Variants in ARFIP1 observed in about 807,000 individuals in gnomAD.
ARFIP1 encodes the protein ARF interacting protein 1.
In ARFIP1, 24 loss-of-function variants were observed where a neutral mutation model predicts 42.5. That is an observed-to-expected ratio of 0.57 (90% CI 0.41 to 0.80). The LOEUF is 0.80. Ranked by LOEUF, ARFIP1 falls within the 30% of genes least tolerant of loss-of-function variation. ARFIP1 has a pLI of 0.00. For synonymous variants in ARFIP1, 141 were observed against 153.7 expected (o/e 0.92, Z 0.61); for missense variants, 354 against 434.0 (o/e 0.82, Z 1.64).
chr4:152,880,409 C>T (rs1649177875), intron 5 of ARFIP1, among the ~76,000 whole-genome samples: 1 of 151,588 alleles, frequency 6.6e-6, no homozygotes, highest in Admixed American at 6.6e-5. Context: ...AATACAATAA[C>T]ATAACATCAT....
intron 2 of ARFIP1, among the ~76,000 whole-genome samples, chr4:152,845,137 T>C (rs1020509290): frequency 4.6e-5 from 7 of 152,154 alleles, no homozygotes; most frequent in Admixed American, 4.6e-4. Flanking sequence ...TAAATGGTGA[T>C]GGAATAAATG....
chr4:152,800,153 C>G (rs953431551), intron 1 of ARFIP1, among the ~76,000 whole-genome samples: 4 of 152,090 alleles, frequency 2.6e-5, no homozygotes, highest in Admixed American at 6.5e-5. Flanking sequence ...TTACAGTTAA[C>G]AAAAGTACAG....
At chr4:152,789,558 T>C (rs1286946095) in intron 1 of ARFIP1, among the ~76,000 whole-genome samples, 2 of 152,192 alleles carry the variant, frequency 1.3e-5, no homozygotes, top group African/African-American at 4.8e-5. Context: ...CAATTGGGAA[T>C]TGGGGAATTA....
At chr4:152,814,427 A>G (rs1729715431) in intron 1 of ARFIP1, among the ~76,000 whole-genome samples, 1 of 152,062 alleles carries the variant, frequency 6.6e-6, no homozygotes. Context: ...AAAATGTTTC[A>G]GCTCAGGTGC....
At chr4:152,799,479 T>C (rs1207445682) in intron 1 of ARFIP1, among the ~76,000 whole-genome samples, 1 of 152,178 alleles carries the variant, frequency 6.6e-6, no homozygotes, top group African/African-American at 2.4e-5. Context: ...TGTGATTCAG[T>C]GTGATAAGTT....
At chr4:152,890,374 A>G (rs1210523378) in intron 8 of ARFIP1, among the ~76,000 whole-genome samples, 1 of 152,186 alleles carries the variant, frequency 6.6e-6, no homozygotes, top group African/African-American at 2.4e-5. Flanking sequence ...AATGTCAATC[A>G]GATGAATGTT....
chr4:152,796,249 A>C (rs1210586968), intron 1 of ARFIP1: 13 of 1,024,566 alleles, frequency 1.3e-5, no homozygotes, highest in Non-Finnish European at 1.9e-5. Context: ...TCTTCTTTAC[A>C]CCAAGTATTG....
chr4:152,826,136 A>G (rs1459544244), intron 1 of ARFIP1, among the ~76,000 whole-genome samples: 1 of 152,226 alleles, frequency 6.6e-6, no homozygotes, highest in African/African-American at 2.4e-5. Flanking sequence ...GTATCTACCC[A>G]AAGGAAAAAA....
intron 1 of ARFIP1, among the ~76,000 whole-genome samples, chr4:152,790,728 C>CTTTTTTTTTTT (rs781615063): frequency 9.4e-6 from 1 of 106,082 alleles, no homozygotes; most frequent in African/African-American, 3.8e-5. Flanking sequence ...ATGTGTTTAT[C>CTTTTTTTTTTT]TTTTTTTTTT....
At chr4:152,807,231 A>G (rs947725599) in intron 1 of ARFIP1, 3 of 149,924 alleles carry the variant, frequency 2.0e-5, no homozygotes, top group Admixed American at 1.3e-4. Flanking sequence ...GAAAGCTGCT[A>G]GGAGTACATG....
intron 1 of ARFIP1, among the ~76,000 whole-genome samples, chr4:152,782,155 A>G (rs574098889): frequency 6.6e-6 from 1 of 151,998 alleles, no homozygotes; most frequent in Non-Finnish European, 1.5e-5. Context: ...AAGGAGATAT[A>G]TAGCTTCTTG....
chr4:152,786,458 T>C (rs1317910994), intron 1 of ARFIP1, among the ~76,000 whole-genome samples: 2 of 152,240 alleles, frequency 1.3e-5, no homozygotes, highest in Non-Finnish European at 2.9e-5. Flanking sequence ...CTCTCCCTGA[T>C]AGATCCAATG....
intron 1 of ARFIP1, among the ~76,000 whole-genome samples, chr4:152,785,748 T>C (rs1452351283): frequency 1.3e-5 from 2 of 152,242 alleles, no homozygotes; most frequent in Non-Finnish European, 2.9e-5. Context: ...AGATGAAATA[T>C]ATGAGAAAGC....
chr4:152,829,747 C>A, intron 2 of ARFIP1, 21 bp downstream of exon 2: 2 of 1,525,802 alleles, frequency 1.3e-6, no homozygotes, highest in Non-Finnish European at 8.9e-7. Flanking sequence ...TTTTCTTTCT[C>A]TTAATGCAAA....
intron 2 of ARFIP1, among the ~76,000 whole-genome samples, chr4:152,858,888 AT>A (rs1733648384): frequency 6.6e-6 from 1 of 152,168 alleles, no homozygotes; most frequent in African/African-American, 2.4e-5. Flanking sequence ...GTTGTATGTT[AT>A]CTTTAAAGGA....
In ARFIP1 at chr4:152,887,835, A is replaced by G. The variant is rs570457976; in HGVS notation, c.792-298A>G. Among the ~76,000 whole-genome samples the G allele has an allele frequency of 2.6e-5, 4 of 151,982 alleles. No homozygotes were observed. The East Asian group carries it at 7.7e-4, about 29-fold the overall frequency. On this transcript the variant is annotated intron_variant, in intron 7 of 8. Coordinates refer to ENST00000353617, the MANE Select transcript of ARFIP1 (RefSeq NM_001025595.3). ...ACTTGGGGTATTTATTCTACCCTTGATCTTGTTTTGACATTTATTTTTTTT... is the reference window on the plus strand; with the variant it reads ...ACTTGGGGTATTTATTCTACCCTTGGTCTTGTTTTGACATTTATTTTTTTT...
chr4:152,904,808 G>C (rs1029127932), intron 8 of ARFIP1, among the ~76,000 whole-genome samples: 1 of 152,068 alleles, frequency 6.6e-6, no homozygotes, highest in South Asian at 2.1e-4. Context: ...TGGGCATTTG[G>C]GTTGATTCCA....
At chr4:152,846,383 A>G (rs190840385) in intron 2 of ARFIP1, among the ~76,000 whole-genome samples, 1 of 151,872 alleles carries the variant, frequency 6.6e-6, no homozygotes, top group East Asian at 1.9e-4. Flanking sequence ...ACACACACGC[A>G]CACACACACA....
At chr4:152,805,332 G>A (rs760592451) in intron 1 of ARFIP1, among the ~76,000 whole-genome samples, 2 of 152,210 alleles carry the variant, frequency 1.3e-5, no homozygotes, top group Non-Finnish European at 2.9e-5. Flanking sequence ...ATGAGGTAGT[G>A]TATAGAATTG....
Sources: gnomAD v4.1 joint callset for allele counts (sites outside exome capture counted in the v4.1 genomes callset) on GRCh38, gnomAD v4.1.1 for gene constraint, MANE v1.5 for transcripts, NCBI Gene and HGNC (gene_info 2026-07-23, HGNC 2026-07-21) for gene names.